NEDD4L: variants seen among roughly 807,000 people sequenced by gnomAD.
NEDD4L encodes the protein E3 ubiquitin-protein ligase NEDD4-like.
Under a neutral mutation model 148.9 loss-of-function variants are expected in NEDD4L, and 54 were observed. The observed-to-expected ratio is 0.36, with a 90% CI of 0.29 to 0.45. The LOEUF is 0.45. NEDD4L is among the 20% of genes least tolerant of loss of function. The pLI is 1.00. For synonymous variants in NEDD4L, 433 were observed against 440.7 expected, an observed-to-expected ratio of 0.98 and a Z score of 0.22; for missense variants, 856 against 1,233.8, an observed-to-expected ratio of 0.69 and a Z score of 4.59.
chr18:58,052,097 C>T (rs966330241), intron 1 of NEDD4L, among the ~76,000 whole-genome samples: 4 of 152,252 alleles, frequency 2.6e-5, no homozygotes, highest in African/African-American at 9.6e-5. Context: ...AAACTAGAAA[C>T]TAGATTTAGA....
intron 16 of NEDD4L, among the ~76,000 whole-genome samples, chr18:58,348,326 C>CTT (rs771263533): frequency 7.0e-3 from 616 of 88,606 alleles, no homozygotes; most frequent in East Asian, 1.0e-2. Context: ...TCTTTTTTTT[C>CTT]TTTTTTTTTT....
Position 58,173,084 on chromosome 18 carries a change from AG to A in NEDD4L, c.122+7225del, listed in dbSNP as rs146827523. On this transcript the variant is annotated intron_variant, in intron 2 of 30. Transcript: ENST00000400345. ...ATCTTAAAGTTTTTCCTTTAAACTT[AG>A]GATAGCTGTTCAAATTTCAAACTCT... 6.3e-3 allele frequency among the ~76,000 whole-genome samples: 959 copies of A among 152,328 alleles called. 13 individuals are homozygous for A. Among genetic ancestry groups the A allele is most frequent in the African/African-American group, 0.021 (893 of 41,566 alleles).
At position 58,366,033 on chromosome 18, in the gene NEDD4L, A is replaced by C; in HGVS notation, c.1868A>C (p.His623Pro). 6.2e-7 allele frequency: 1 copy of C among 1,612,304 alleles called. No individual in the cohort carries two copies. The highest frequency in any genetic ancestry group is 1.7e-5 in the Admixed American group (1 of 59,824). Residue 623 changes from histidine to proline, a missense_variant, in exon 21 of 31, where the codon CAC becomes CCC. This residue lies in a region of NEDD4L where 286 missense variants were observed against 531.8 expected (regional missense o/e 0.54). Coordinates refer to ENST00000400345, the MANE Select transcript of NEDD4L (RefSeq NM_001144967.3). The surrounding 1 kb of genome is among the most constrained non-coding windows in gnomAD (Gnocchi z 4.2). ...DIPNRFEMKL[H>P]RNNIFEESYR... Reference sequence around the variant, plus strand: ...CCCAATAGGTTTGAAATGAAACTTCACAGAAATAACATATTTGAAGAGTCC... The same window carrying C: ...CCCAATAGGTTTGAAATGAAACTTCCCAGAAATAACATATTTGAAGAGTCC...
intron 2 of NEDD4L, among the ~76,000 whole-genome samples, chr18:58,205,619 A>G (rs2041906952): frequency 6.6e-6 from 1 of 151,970 alleles, no homozygotes; most frequent in Non-Finnish European, 1.5e-5. Flanking sequence ...GTAAGAATAG[A>G]AAACATGTAG....
intron 1 of NEDD4L, among the ~76,000 whole-genome samples, chr18:58,057,187 A>G (rs1316148656): frequency 3.3e-5 from 5 of 151,692 alleles, no homozygotes; most frequent in African/African-American, 1.2e-4. Context: ...TTCTCCAGGG[A>G]GGTGACCCGA....
At chr18:58,088,233 CTG>C (rs1478843815) in intron 1 of NEDD4L, among the ~76,000 whole-genome samples, 2 of 152,218 alleles carry the variant, frequency 1.3e-5, no homozygotes, top group East Asian at 3.8e-4. Context: ...AAGTAACACT[CTG>C]TCATTTCTGC....
chr18:58,288,415 A>T (rs577328074), intron 5 of NEDD4L, among the ~76,000 whole-genome samples: 1 of 152,362 alleles, frequency 6.6e-6, no homozygotes, highest in Admixed American at 6.5e-5. Context: ...TGGACATATA[A>T]GTATCAGACA....
At chr18:58,083,410 G>A (rs889222755) in intron 1 of NEDD4L, among the ~76,000 whole-genome samples, 5 of 152,196 alleles carry the variant, frequency 3.3e-5, no homozygotes, top group South Asian at 2.1e-4. Flanking sequence ...ACCAGGGGCC[G>A]GGTGCGGTGG....
At chr18:58,066,304 AGAGTGATCTCGTTGAATGCT>A (rs2082586899) in intron 1 of NEDD4L, among the ~76,000 whole-genome samples, 1 of 151,032 alleles carries the variant, frequency 6.6e-6, no homozygotes, top group Admixed American at 6.6e-5. Context: ...TGGCTGAGTG[AGAGTGATCTCGTTGAATGCT>A]GAGGCTTGTT....
At position 58,341,782 on chromosome 18, in the gene NEDD4L, A is replaced by T; in HGVS notation, c.1362A>T (p.Leu454Phe). The change falls in exon 15 of 31, where the codon TTA becomes TTT. Residue 454 changes from leucine to phenylalanine, a missense_variant. This residue lies in a region of NEDD4L where 367 missense variants were observed against 422.7 expected (regional missense o/e 0.87). Coordinates refer to ENST00000400345, the MANE Select transcript of NEDD4L (RefSeq NM_001144967.3). ...GCCTCAGCTCGCCAACAGTAACTTT[A>T]TCTGCCCCGCTGGAGGTGAGACGGC... is the stretch of plus-strand genomic sequence containing the variant. The part of the protein sequence containing the change: ...PRSLSSPTVT[L>F]SAPLEGAKDS... The T allele has an allele frequency of 6.2e-7, 1 of 1,613,388 alleles. No homozygotes were observed. The highest frequency in any genetic ancestry group is 8.5e-7 in the Non-Finnish European group (1 of 1,179,732).
intron 2 of NEDD4L, among the ~76,000 whole-genome samples, chr18:58,232,337 C>T (rs556619857): frequency 2.0e-5 from 3 of 152,162 alleles, no homozygotes; most frequent in Non-Finnish European, 4.4e-5. Flanking sequence ...AGGCTGAGAT[C>T]CCTGAGATCC....
chr18:58,272,509 T>C (rs1404369045), intron 5 of NEDD4L, among the ~76,000 whole-genome samples: 1 of 151,942 alleles, frequency 6.6e-6, no homozygotes, highest in African/African-American at 2.4e-5. Context: ...GTGCCTGTAG[T>C]CCCAGCTATT....
Position 58,072,287 on chromosome 18 carries a change from C to T in NEDD4L, c.48+27579C>T, listed in dbSNP as rs1489981196. Among the ~76,000 whole-genome samples the T allele has an allele frequency of 5.3e-5, 8 of 152,200 alleles. No homozygotes were observed. In the East Asian group the frequency reaches 1.5e-3, roughly 29 times the overall value. On this transcript the variant is annotated intron_variant, in intron 1 of 30. Coordinates refer to ENST00000400345, the MANE Select transcript of NEDD4L (RefSeq NM_001144967.3). ...TCACAAGAAAACTATGGAACAATAT[C>T]CCTTATAAATACAGAGGCCAAAATC...
chr18:58,152,169 C>T (rs915798250), intron 1 of NEDD4L, among the ~76,000 whole-genome samples: 6 of 151,992 alleles, frequency 3.9e-5, no homozygotes, highest in South Asian at 2.1e-4. Context: ...CCTGTACTGT[C>T]GCAACCCTGA....
chr18:58,084,503 A>G (rs929684957), intron 1 of NEDD4L, among the ~76,000 whole-genome samples: 1 of 152,206 alleles, frequency 6.6e-6, no homozygotes, highest in East Asian at 1.9e-4. Flanking sequence ...CTGCCATAGC[A>G]AAACACCACA....
At chr18:58,236,272 G>A (rs969885715) in intron 2 of NEDD4L, among the ~76,000 whole-genome samples, 2 of 151,828 alleles carry the variant, frequency 1.3e-5, no homozygotes, top group Admixed American at 6.6e-5. Context: ...TGGGAGGATC[G>A]CTTGAGCCCA....
chr18:58,069,865 A>G (rs1489818073), intron 1 of NEDD4L, among the ~76,000 whole-genome samples: 4 of 152,242 alleles, frequency 2.6e-5, no homozygotes, highest in Non-Finnish European at 4.4e-5. Flanking sequence ...CAGTAGGAAC[A>G]GTGAACCTTG....
intron 16 of NEDD4L, among the ~76,000 whole-genome samples, chr18:58,346,561 G>T (rs1191100734): frequency 6.6e-6 from 1 of 152,200 alleles, no homozygotes; most frequent in Non-Finnish European, 1.5e-5. Flanking sequence ...TCTAGGTGTG[G>T]TTGCTGGTCT....
At chr18:58,277,641 G>C (rs914933901) in intron 5 of NEDD4L, among the ~76,000 whole-genome samples, 4 of 152,006 alleles carry the variant, frequency 2.6e-5, no homozygotes, top group African/African-American at 9.7e-5. Context: ...TCCAAAGACT[G>C]TTTCTGGGGT....
Sources: gnomAD v4.1 joint callset for allele counts (sites outside exome capture counted in the v4.1 genomes callset) on GRCh38, gnomAD v4.1.1 for gene constraint, gnomAD v4.1.1 regional missense constraint, Gnocchi (gnomAD v3.1) non-coding constraint, MANE v1.5 for transcripts, NCBI Gene and HGNC (gene_info 2026-07-23, HGNC 2026-07-21) for gene names.